The following PCDHGA7 variants were observed in gnomAD, a reference collection of about 807,000 sequenced individuals.
PCDHGA7 encodes the protein protocadherin gamma-A7.
In PCDHGA7, 44 loss-of-function variants were observed where a neutral mutation model predicts 58.3. The observed-to-expected ratio is 0.75, with a 90% CI of 0.59 to 0.97. The LOEUF (loss-of-function observed/expected upper bound fraction) is 0.97. Ranked by LOEUF, PCDHGA7 falls within the 50% of genes least tolerant of loss-of-function variation. PCDHGA7 has a pLI of 0.00. For synonymous variants in PCDHGA7, 516 were observed against 504.2 expected (o/e 1.02, Z -0.31); for missense variants, 1,266 against 1,188.7 (o/e 1.06, Z -0.96).
chr5:141,410,650 T>C (rs781083173), intron 1 of PCDHGA7: 3 of 1,590,604 alleles, frequency 1.9e-6, no homozygotes, highest in Non-Finnish European at 2.6e-6. Context: ...GTGTGATTTA[T>C]CTAATAGTCT....
In PCDHGA7 at chr5:141,493,668, GC is replaced by G. The variant is rs1178535601; in HGVS notation, c.2425-1135del. On this transcript the variant is annotated intron_variant, in intron 1 of 3. Coordinates refer to ENST00000518325, the MANE Select transcript of PCDHGA7 (RefSeq NM_018920.4). This position sits in a 1 kb window ranked among gnomAD's most constrained non-coding sequence, Gnocchi z 4.3. ...CATCCCTGTGCCCTTCTCCATGGCAGCCCCAGAATGGTGCTGGTGACTCCCG... is the reference window on the plus strand; with the variant it reads ...CATCCCTGTGCCCTTCTCCATGGCAGCCCAGAATGGTGCTGGTGACTCCCG... Among the ~76,000 whole-genome samples the G allele has an allele frequency of 6.6e-6, 1 of 152,140 alleles. No individual in the cohort carries two copies. The highest frequency in any genetic ancestry group is 2.4e-5 in the African/African-American group (1 of 41,422).
At position 141,431,954 on chromosome 5, in the gene PCDHGA7, G is replaced by A. The variant is rs912037044; in HGVS notation, c.2424+46631G>A. 6.2e-7 allele frequency: 1 copy of A among 1,613,992 alleles called. No individual in the cohort carries two copies. Among genetic ancestry groups the A allele is most frequent in the African/African-American group, 1.3e-5 (1 of 74,896 alleles). ...GCCCTTTAAATTAGAAAAATCTTAC[G>A]GAAATTACTATAGTTTAGTCACAGA... is the stretch of plus-strand genomic sequence containing the variant. On this transcript the variant is annotated intron_variant, in intron 1 of 3. Coordinates refer to ENST00000518325, the MANE Select transcript of PCDHGA7 (RefSeq NM_018920.4). This position sits in a 1 kb window ranked among gnomAD's most constrained non-coding sequence, Gnocchi z 4.8.
chr5:141,511,117 G>A lies in PCDHGA7; in HGVS notation c.2743G>A (p.Ala915Thr). Residue 915 changes from alanine to threonine, a missense_variant, in exon 4 of 4, where the codon GCC becomes ACC. Physicochemically the swap from Ala to Thr is moderately conservative, Grantham distance 58. Coordinates refer to ENST00000518325, the MANE Select transcript of PCDHGA7 (RefSeq NM_018920.4). ...TNAAGKRDGK[A>T]PAGGNGNKKK... ...CGCAGCTGGCAAGCGGGATGGCAAG[G>A]CCCCAGCAGGTGGCAATGGCAACAA... 6.2e-7 allele frequency: 1 copy of A among 1,614,216 alleles called. No homozygotes were observed. Among genetic ancestry groups the A allele is most frequent in the Non-Finnish European group, 8.5e-7 (1 of 1,180,026 alleles).
At chr5:141,503,981 C>T (rs774655880) in intron 2 of PCDHGA7, among the ~76,000 whole-genome samples, 4 of 152,300 alleles carry the variant, frequency 2.6e-5, no homozygotes, top group East Asian at 1.9e-4. Flanking sequence ...CCAAACCCTT[C>T]TTCTTACCTT....
intron 1 of PCDHGA7, chr5:141,396,613 C>G (rs1283036515): frequency 6.6e-6 from 1 of 151,276 alleles, no homozygotes; most frequent in Non-Finnish European, 1.5e-5. Context: ...GGGTGAGACT[C>G]CGTCTCAAAA....
At chr5:141,428,305 G>A (rs751498223) in intron 1 of PCDHGA7, 8 of 694,348 alleles carry the variant, frequency 1.2e-5, no homozygotes, top group African/African-American at 1.8e-5. Flanking sequence ...GATTTACCTG[G>A]TCGTGGCCTT....
At position 141,408,301 on chromosome 5, in the gene PCDHGA7, C is replaced by T. The variant is rs1472435921; in HGVS notation, c.2424+22978C>T. 3.1e-6 allele frequency: 5 copies of T among 1,613,756 alleles called. No individual in the cohort carries two copies. In the Admixed American group the frequency reaches 8.3e-5, roughly 27 times the overall value. ...TCTACCCCACCCTGAGTGAGCCGAT[C>T]CGCTACTCGATTCCGGAGGAGCTGG... On this transcript the variant is annotated intron_variant, in intron 1 of 3. Transcript: ENST00000518325.
At chr5:141,385,981 A>G (rs2090416620) in intron 1 of PCDHGA7, 1 of 152,244 alleles carries the variant, frequency 6.6e-6, no homozygotes, top group Non-Finnish European at 1.5e-5. Flanking sequence ...AACCAATAAA[A>G]TATGTCAAAT....
intron 1 of PCDHGA7, among the ~76,000 whole-genome samples, chr5:141,406,837 CA>C (rs1174898109): frequency 6.6e-6 from 1 of 152,170 alleles, no homozygotes; most frequent in Non-Finnish European, 1.5e-5. Flanking sequence ...ACTTGCATAT[CA>C]GATATAATTT....
chr5:141,472,045 TA>T (rs1227282207), intron 1 of PCDHGA7, among the ~76,000 whole-genome samples: 3 of 152,170 alleles, frequency 2.0e-5, no homozygotes, highest in Non-Finnish European at 4.4e-5. Flanking sequence ...GAAAAGATTT[TA>T]AAAATGATTG....
intron 1 of PCDHGA7, among the ~76,000 whole-genome samples, chr5:141,449,056 G>A (rs149442150): frequency 6.6e-6 from 1 of 152,068 alleles, no homozygotes; most frequent in African/African-American, 2.4e-5. Flanking sequence ...TCATAAATGA[G>A]CGCTATTGAA....
chr5:141,474,369 G>C (rs1424130168), intron 1 of PCDHGA7, among the ~76,000 whole-genome samples: 1 of 152,184 alleles, frequency 6.6e-6, no homozygotes, highest in Non-Finnish European at 1.5e-5. Flanking sequence ...AGTAGGTCTA[G>C]AGGAGGGCAT....
chr5:141,421,634 A>G (rs771759412), intron 1 of PCDHGA7: 12 of 1,613,714 alleles, frequency 7.4e-6, no homozygotes, highest in South Asian at 1.1e-5. Context: ...AGCTTCCAGG[A>G]GGACGAAGTG....
chr5:141,454,908 C>T (rs1370482009), intron 1 of PCDHGA7, among the ~76,000 whole-genome samples: 3 of 145,392 alleles, frequency 2.1e-5, no homozygotes, highest in Non-Finnish European at 4.5e-5. Context: ...CCCGGGTTCA[C>T]GCCATTCTCC....
At chr5:141,443,498 C>G (rs1217918256) in intron 1 of PCDHGA7, among the ~76,000 whole-genome samples, 3 of 152,036 alleles carry the variant, frequency 2.0e-5, no homozygotes, top group Non-Finnish European at 4.4e-5. Context: ...AACAAACAAA[C>G]AAATAAAGAG....
At chr5:141,388,880 G>A (rs1426155590) in intron 1 of PCDHGA7, 1 of 1,613,982 alleles carries the variant, frequency 6.2e-7, no homozygotes, top group Non-Finnish European at 8.5e-7. Flanking sequence ...GCACAGTGGA[G>A]GTAGAAGTCA....
At chr5:141,388,625 C>T (rs1417837696) in intron 1 of PCDHGA7, 2 of 1,613,794 alleles carry the variant, frequency 1.2e-6, no homozygotes, top group Non-Finnish European at 1.7e-6. Context: ...AAGACGTATA[C>T]AGGGTGAGCC....
Position 141,432,298 on chromosome 5 carries a change from A to T in PCDHGA7, c.2424+46975A>T. Reference sequence around the variant, plus strand: ...TGTCCATCAACTCCGACACTGGGGTACTGTATGCGCTGAGCTCCTTCGACT... The same window carrying T: ...TGTCCATCAACTCCGACACTGGGGTTCTGTATGCGCTGAGCTCCTTCGACT... On this transcript the variant is annotated intron_variant, in intron 1 of 3. Transcript: ENST00000518325. The surrounding 1 kb of genome is among the most constrained non-coding windows in gnomAD (Gnocchi z 6.0). The T allele has an allele frequency of 6.2e-7, 1 of 1,614,236 alleles. No homozygotes were observed. Among genetic ancestry groups the T allele is most frequent in the Non-Finnish European group, 8.5e-7 (1 of 1,180,036 alleles).
chr5:141,500,384 T>C (rs956708207), intron 2 of PCDHGA7, among the ~76,000 whole-genome samples: 1 of 151,894 alleles, frequency 6.6e-6, no homozygotes, highest in African/African-American at 2.4e-5. Context: ...AATTATTTTG[T>C]ATTTTTAGTA....
Sources: allele counts gnomAD v4.1 joint callset (sites outside exome capture counted in the v4.1 genomes callset), GRCh38; gene constraint gnomAD v4.1.1; non-coding constraint Gnocchi (gnomAD v3.1); transcripts MANE v1.5; gene names NCBI Gene and HGNC (gene_info 2026-07-23, HGNC 2026-07-21).